The following GSDMD variants were observed in gnomAD, a reference collection of about 807,000 sequenced individuals.
GSDMD encodes gasdermin D, also known as gasdermin-D.
A neutral mutation model predicts 46.7 loss-of-function variants in GSDMD; 46 were observed. That is an observed-to-expected ratio of 0.99 (90% CI 0.78 to 1.26). The LOEUF (loss-of-function observed/expected upper bound fraction) is 1.26. Ranked by LOEUF, GSDMD falls within the 50% of genes most tolerant of loss-of-function variation. The pLI is 0.00. For missense variants in GSDMD, 649 were observed against 638.8 expected (o/e 1.02, Z -0.17); for synonymous variants, 307 against 283.1 (o/e 1.08, Z -0.85).
In GSDMD at chr8:143,559,769, T is replaced by TG. The variant is rs1823404073; in HGVS notation, c.218-7dup. The TG allele has an allele frequency of 3.8e-6, 6 of 1,583,604 alleles. No homozygotes were observed. In the East Asian group the frequency reaches 1.3e-4, roughly 35 times the overall value. ...CTGGGCACAGCCTCAGGTCTGGCCTTGCTTTAGACGTGCAGCGTGGCAGGA... is the reference window on the plus strand; with the variant it reads ...CTGGGCACAGCCTCAGGTCTGGCCTTGGCTTTAGACGTGCAGCGTGGCAGGA... On this transcript the variant is annotated splice_region_variant and splice_polypyrimidine_tract_variant and intron_variant, in intron 2 of 10. Coordinates refer to ENST00000262580, the MANE Select transcript of GSDMD (RefSeq NM_024736.7).
chr8:143,559,019 C>A (rs1268889125), intron 1 of GSDMD: 2 of 438,624 alleles, frequency 4.6e-6, no homozygotes, highest in Non-Finnish European at 8.3e-6. Context: ...CAGCTTGTTT[C>A]CTCCCAGCCA....
intron 1 of GSDMD, 82 bp downstream of exon 1, chr8:143,558,533 T>TG (rs1823366472): frequency 1.6e-6 from 2 of 1,267,884 alleles, no homozygotes; most frequent in African/African-American, 3.2e-5. Context: ...TGGGGGATGC[T>TG]GGCCCTGCTG....
chr8:143,562,158 C>T, intron 8 of GSDMD, 27 bp downstream of exon 8: 3 of 1,596,904 alleles, frequency 1.9e-6, no homozygotes, highest in Non-Finnish European at 2.5e-6. Context: ...GCCCGGGGCA[C>T]ACAAGGCCTG....
chr8:143,560,499 A>C, intron 3 of GSDMD, 104 bp from the exon 4 acceptor site: 1 of 1,255,826 alleles, frequency 8.0e-7, no homozygotes, highest in South Asian at 1.5e-5. Flanking sequence ...AGACCTCTGG[A>C]GGGCCCCTCT....
In GSDMD at chr8:143,559,542, C is replaced by A. The variant is rs150212290; in HGVS notation, c.207C>A (p.Ala69=). 2.2e-4 allele frequency: 362 copies of A among 1,612,166 alleles called. No individual in the cohort carries two copies. Among genetic ancestry groups the A allele is most frequent in the Non-Finnish European group, 2.9e-4 (347 of 1,179,636 alleles). ...TCAAGGACATCCTGGAGCCGGATGC[C>A]GCGGAACCAGGTGCCTGATGTGGTG... ...LSIKDILEPD[A]AEPDVQRGRS... is the part of the protein sequence containing the mutation. The change falls in exon 2 of 11, where the codon GCC becomes GCA. Residue 69 remains alanine (A), a synonymous_variant. Transcript: ENST00000262580.
At chr8:143,561,295 C>T in intron 5 of GSDMD, 75 bp from the exon 6 acceptor site, 1 of 1,427,074 alleles carries the variant, frequency 7.0e-7, no homozygotes, top group Non-Finnish European at 9.6e-7. Context: ...CAGGGGAGCT[C>T]CTAGTAGGGG....
chr8:143,561,927 C>G, intron 7 of GSDMD, 32 bp from the exon 8 acceptor site: 1 of 1,606,580 alleles, frequency 6.2e-7, no homozygotes, highest in East Asian at 2.2e-5. Context: ...CCTGTAAGCA[C>G]CTGGGCAGTG....
chr8:143,561,398 G>A lies in GSDMD; in HGVS notation c.711G>A (p.Gln237=). The part of the protein sequence containing the change: ...LDVLLFPDKK[Q]RTFQPPATGH... ...TCCTTCTCTTCCCGGATAAGAAGCA[G>A]AGGACCTTCCAGCCACCCGCGACAG... Residue 237 remains glutamine, a synonymous_variant, in exon 6 of 11, where the codon CAG becomes CAA. Transcript: ENST00000262580. 1.9e-6 allele frequency: 3 copies of A among 1,611,382 alleles called. No homozygotes were observed. The highest frequency in any genetic ancestry group is 2.5e-6 in the Non-Finnish European group (3 of 1,179,406).
At chr8:143,561,558 C>A (rs1823462152) in intron 6 of GSDMD, 135 bp downstream of exon 6, 1 of 965,318 alleles carries the variant, frequency 1.0e-6, no homozygotes, top group Non-Finnish European at 1.6e-6. Context: ...ACCCCCCATA[C>A]ACACACAAGG....
At chr8:143,559,704 G>C in intron 2 of GSDMD, 73 bp from the exon 3 acceptor site, 14 of 1,488,126 alleles carry the variant, frequency 9.4e-6, no homozygotes, top group Non-Finnish European at 1.2e-5. Flanking sequence ...CTGCCCTGGG[G>C]CTGGGACAGG....
intron 1 of GSDMD, 57 bp from the exon 2 acceptor site, chr8:143,559,274 TC>T: frequency 1.6e-6 from 1 of 613,554 alleles, no homozygotes. Flanking sequence ...CTGACCCTTC[TC>T]CCACTCCCTC....
At position 143,561,967 on chromosome 8, in the gene GSDMD, C is replaced by T; in HGVS notation, c.832C>T (p.Pro278Ser). The T allele has an allele frequency of 1.2e-6, 2 of 1,608,768 alleles. No individual in the cohort carries two copies. The highest frequency in any genetic ancestry group is 1.7e-6 in the Non-Finnish European group (2 of 1,178,232). Residue 278 changes from proline to serine, a missense_variant, in exon 8 of 11, where the codon CCT becomes TCT. Pro to Ser is a moderately conservative substitution (Grantham distance 74). Transcript: ENST00000262580. ...CLHNFLTDGV[P>S]AEGAFTEDFQ... ...CCCTTCTGTCCCTACAGATGGGGTC[C>T]CTGCGGAGGGGGCGTTCACTGAAGA... is the stretch of plus-strand genomic sequence containing the variant.
At chr8:143,560,487 A>G in intron 3 of GSDMD, 116 bp from the exon 4 acceptor site, 1 of 1,152,836 alleles carries the variant, frequency 8.7e-7, no homozygotes, top group East Asian at 2.6e-5. Flanking sequence ...CCCGGCACCC[A>G]CAGACCTCTG....
rs540553104 is a variant in GSDMD at position 143,562,358 on chromosome 8, G to T, written c.1138+8G>T. 1 of 1,410,238 alleles carries T rather than the reference G, an allele frequency of 7.1e-7. No individual in the cohort carries two copies. The highest frequency in any genetic ancestry group is 9.6e-7 in the Non-Finnish European group (1 of 1,043,950). 87.4% of individuals were successfully genotyped at this position (1,410,238 alleles called of 1,614,324 possible). On this transcript the variant is annotated splice_region_variant and intron_variant, in intron 9 of 10. Coordinates refer to ENST00000262580, the MANE Select transcript of GSDMD (RefSeq NM_024736.7). Reference sequence around the variant, plus strand: ...TGCTGGGGGCACTGACCAGTGAGCGGCCGCTGGGGGCAGGTGGCGGGTGGG... The same window carrying T: ...TGCTGGGGGCACTGACCAGTGAGCGTCCGCTGGGGGCAGGTGGCGGGTGGG...
intron 7 of GSDMD, 44 bp downstream of exon 7, chr8:143,561,872 C>T (rs765340595): frequency 5.6e-6 from 9 of 1,609,378 alleles, no homozygotes; most frequent in South Asian, 2.2e-5. Context: ...GGTGGGCTCT[C>T]CTGCCCCCTG....
intron 10 of GSDMD, 47 bp from the exon 11 acceptor site, chr8:143,562,615 G>A (rs1396383544): frequency 1.3e-6 from 2 of 1,598,794 alleles, no homozygotes; most frequent in Non-Finnish European, 1.7e-6. Context: ...GCAGGCACAA[G>A]ATGCCCAGAT....
Position 143,559,766 on chromosome 8 carries a change from CCTTG to C in GSDMD, c.218-7_218-4del, listed in dbSNP as rs1280769085. The C allele has an allele frequency of 7.0e-6, 11 of 1,581,198 alleles. No homozygotes were observed. Among genetic ancestry groups the C allele is most frequent in the Non-Finnish European group, 9.5e-6 (11 of 1,163,820 alleles). ...GCGCTGGGCACAGCCTCAGGTCTGGCCTTGCTTTAGACGTGCAGCGTGGCAGGAG... is the reference window on the plus strand; with the variant it reads ...GCGCTGGGCACAGCCTCAGGTCTGGCCTTTAGACGTGCAGCGTGGCAGGAG... On this transcript the variant is annotated splice_region_variant and splice_polypyrimidine_tract_variant and intron_variant, in intron 2 of 10. Transcript: ENST00000262580.
Position 143,562,446 on chromosome 8 carries a change from A to G in GSDMD, c.1139-2A>G. ...ACCCCCTTTTACCTGACTCTCTCCC[A>G]GTGCTGAGTGAAACGCAGCACAAGC... On this transcript the variant is annotated splice_acceptor_variant, in intron 9 of 10. Transcript: ENST00000262580. LOFTEE classifies it high-confidence loss of function. 6.2e-7 allele frequency: 1 copy of G among 1,607,822 alleles called. No individual in the cohort carries two copies. Among genetic ancestry groups the G allele is most frequent in the South Asian group, 1.1e-5 (1 of 90,530 alleles).
chr8:143,562,986 G>T lies in GSDMD; in HGVS notation c.*82G>T, dbSNP rs1421360862. 6.4e-7 allele frequency: 1 copy of T among 1,573,482 alleles called. No individual in the cohort carries two copies. The highest frequency in any genetic ancestry group is 1.7e-5 in the Admixed American group (1 of 57,540). On this transcript the variant is annotated 3_prime_UTR_variant, in exon 11 of 11. Transcript: ENST00000262580. ...GCTGCTAGCCCTAGGAAGGCCAGGA[G>T]CCCAGTAGCCATGTGGCCAGTCTAC...
Sources: allele counts gnomAD v4.1 joint callset, GRCh38; gene constraint gnomAD v4.1.1; transcripts MANE v1.5; gene names NCBI Gene and HGNC (gene_info 2026-07-23, HGNC 2026-07-21).